The following TMEM132D variants were observed in gnomAD, a reference collection of about 807,000 sequenced individuals.
TMEM132D encodes the protein transmembrane protein 132D.
Under a neutral mutation model 62.3 loss-of-function variants are expected in TMEM132D, and 21 were observed. That is an observed-to-expected ratio of 0.34 (90% CI 0.24 to 0.49). The LOEUF is 0.49. Ranked by LOEUF, TMEM132D falls within the 20% of genes least tolerant of loss-of-function variation. The pLI is 0.99. For synonymous variants in TMEM132D, 621 were observed against 575.6 expected (o/e 1.08, Z -1.13); for missense variants, 1,346 against 1,402.8 (o/e 0.96, Z 0.65).
At chr12:129,580,323 T>C (rs1877810944) in intron 2 of TMEM132D, among the ~76,000 whole-genome samples, 2 of 152,200 alleles carry the variant, frequency 1.3e-5, no homozygotes, top group Non-Finnish European at 2.9e-5. Context: ...ACAGGACTGG[T>C]CACCACATCC....
chr12:129,810,156 C>T (rs2137315027), intron 1 of TMEM132D, among the ~76,000 whole-genome samples: 1 of 152,150 alleles, frequency 6.6e-6, no homozygotes. Context: ...TTATTAAGAA[C>T]AAAAGCAGAA....
chr12:129,327,758 C>T lies in TMEM132D; in HGVS notation c.1299+9876G>A, dbSNP rs113088361. On this transcript the variant is annotated intron_variant, in intron 4 of 8. Coordinates refer to ENST00000422113, the MANE Select transcript of TMEM132D (RefSeq NM_133448.3). ...ACCACCAAAGGAGCCCCCAAATGGTCTTTCTATTTCCATTGTGGATCTCTC... is the reference window on the plus strand; with the variant it reads ...ACCACCAAAGGAGCCCCCAAATGGTTTTTCTATTTCCATTGTGGATCTCTC... Among the ~76,000 whole-genome samples the T allele has an allele frequency of 6.6e-3, 1,004 of 152,320 alleles. 9 individuals are homozygous for T. The highest frequency in any genetic ancestry group is 0.022 in the African/African-American group (926 of 41,580).
chr12:129,391,591 C>A (rs1175134259), intron 3 of TMEM132D, among the ~76,000 whole-genome samples: 1 of 152,176 alleles, frequency 6.6e-6, no homozygotes, highest in East Asian at 1.9e-4. Flanking sequence ...GGACTAAGAT[C>A]TCATCATTTG....
At chr12:129,708,970 AGAGT>A (rs1881573732) in intron 1 of TMEM132D, among the ~76,000 whole-genome samples, 1 of 152,218 alleles carries the variant, frequency 6.6e-6, no homozygotes, top group African/African-American at 2.4e-5. Context: ...AGAACTTTCC[AGAGT>A]GAGTGTGGAA....
intron 4 of TMEM132D, among the ~76,000 whole-genome samples, chr12:129,246,017 T>C (rs1318575212): frequency 6.6e-6 from 1 of 152,144 alleles, no homozygotes; most frequent in African/African-American, 2.4e-5. Flanking sequence ...AAGACGTAGT[T>C]GCGTGGTTTG....
At chr12:129,679,808 CTTTT>C (rs1348871938) in intron 2 of TMEM132D, among the ~76,000 whole-genome samples, 1 of 151,726 alleles carries the variant, frequency 6.6e-6, no homozygotes, top group African/African-American at 2.4e-5. Flanking sequence ...TAAGAAGTTG[CTTTT>C]TTGTTTTTCT....
chr12:129,578,159 C>G (rs1046606834), intron 2 of TMEM132D, among the ~76,000 whole-genome samples: 48 of 152,098 alleles, frequency 3.2e-4, no homozygotes, highest in Non-Finnish European at 5.6e-4. Context: ...CTCTTCTCCC[C>G]TCTTCCTCAG....
chr12:129,523,454 C>T (rs1253298360), intron 3 of TMEM132D, among the ~76,000 whole-genome samples: 4 of 152,140 alleles, frequency 2.6e-5, no homozygotes, highest in Admixed American at 1.3e-4. Flanking sequence ...TTATGCCACA[C>T]GCATGACTCT....
chr12:129,640,435 T>A (rs1168053785), intron 2 of TMEM132D, among the ~76,000 whole-genome samples: 3 of 152,220 alleles, frequency 2.0e-5, no homozygotes, highest in Non-Finnish European at 4.4e-5. Context: ...GGACCCCTTA[T>A]CATCACCAGA....
chr12:129,365,905 T>C (rs1284606162), intron 3 of TMEM132D, among the ~76,000 whole-genome samples: 1 of 151,776 alleles, frequency 6.6e-6, no homozygotes, highest in Non-Finnish European at 1.5e-5. Context: ...AGGCAGCGCA[T>C]CTCCTTCCCC....
intron 1 of TMEM132D, among the ~76,000 whole-genome samples, chr12:129,816,594 A>G (rs1872351458): frequency 6.6e-6 from 1 of 152,210 alleles, no homozygotes; most frequent in Non-Finnish European, 1.5e-5. Context: ...TCCATCTTTG[A>G]GCATATACAA....
chr12:129,704,235 G>A (rs937230283), intron 1 of TMEM132D, among the ~76,000 whole-genome samples: 3 of 152,204 alleles, frequency 2.0e-5, no homozygotes, highest in African/African-American at 7.2e-5. Flanking sequence ...GTCATAGAAA[G>A]AAAATAGTTG....
chr12:129,242,061 C>T (rs1879953085), intron 4 of TMEM132D, among the ~76,000 whole-genome samples: 1 of 152,240 alleles, frequency 6.6e-6, no homozygotes, highest in Middle Eastern at 3.4e-3. Flanking sequence ...CACTTAGTGG[C>T]ATTCATTCTA....
At chr12:129,511,234 T>C (rs771928964) in intron 3 of TMEM132D, among the ~76,000 whole-genome samples, 1 of 152,232 alleles carries the variant, frequency 6.6e-6, no homozygotes, top group Admixed American at 6.5e-5. Context: ...CTTCTGTCAC[T>C]ATTGATTGGA....
chr12:129,535,777 CGTGTGTGT>C (rs779067793), intron 2 of TMEM132D, among the ~76,000 whole-genome samples: 6 of 74,672 alleles, frequency 8.0e-5, no homozygotes, highest in Admixed American at 5.8e-4. Flanking sequence ...GATTTGTGTG[CGTGTGTGT>C]GTGTGTGTGT....
intron 4 of TMEM132D, among the ~76,000 whole-genome samples, chr12:129,233,172 TA>T (rs1302187360): frequency 1.3e-5 from 2 of 152,236 alleles, no homozygotes; most frequent in Non-Finnish European, 2.9e-5. Context: ...AACTTACTTT[TA>T]AAATTGTCCA....
At chr12:129,731,207 T>A (rs978377620) in intron 1 of TMEM132D, among the ~76,000 whole-genome samples, 1 of 152,138 alleles carries the variant, frequency 6.6e-6, no homozygotes, top group Non-Finnish European at 1.5e-5. Flanking sequence ...CATTCACTCA[T>A]TCATTCGTTC....
At chr12:129,294,645 T>C (rs11830505) in intron 4 of TMEM132D, among the ~76,000 whole-genome samples, 3,601 of 152,270 alleles carry the variant, frequency 0.024, 143 homozygotes, top group African/African-American at 0.083. Flanking sequence ...CAGTTCTAAC[T>C]TGCCTTCCTG....
chr12:129,410,227 G>C (rs73426616), intron 3 of TMEM132D, among the ~76,000 whole-genome samples: 4,989 of 152,270 alleles, frequency 0.033, 287 homozygotes, highest in African/African-American at 0.11. Context: ...AGAGGGACAG[G>C]GGTTTCCACA....
Sources: gnomAD v4.1 joint callset for allele counts (sites outside exome capture counted in the v4.1 genomes callset) on GRCh38, gnomAD v4.1.1 for gene constraint, MANE v1.5 for transcripts, NCBI Gene and HGNC (gene_info 2026-07-23, HGNC 2026-07-21) for gene names.